The following MACROD1 variants were observed in gnomAD, a reference collection of about 807,000 sequenced individuals.
MACROD1 encodes the protein ADP-ribose glycohydrolase MACROD1.
In MACROD1, 31 loss-of-function variants were observed where a neutral mutation model predicts 41.4. That is an observed-to-expected ratio of 0.75 (90% confidence interval 0.56 to 1.01). The LOEUF is 1.01. MACROD1 is among the 50% of genes least tolerant of loss of function. The pLI, the probability that MACROD1 is intolerant of heterozygous loss-of-function variation, is 0.00. For synonymous variants in MACROD1, 252 were observed against 203.4 expected (o/e 1.24, Z -2.03); for missense variants, 473 against 460.0 (o/e 1.03, Z -0.26).
intron 4 of MACROD1, among the ~76,000 whole-genome samples, chr11:64,010,759 ATTGGTTGGCACGAG>A (rs1590797937): frequency 1.3e-5 from 1 of 76,914 alleles, no homozygotes; most frequent in East Asian, 4.3e-4. Flanking sequence ...TGGCTGGCAT[ATTGGTTGGCACGAG>A]TTGGTTGGGG....
chr11:64,165,679 C>G lies in MACROD1; in HGVS notation c.298+18G>C. ...TGAGGCCGCCCTCTCCCTCGCGCCCCCTCGTGCTTACACTTACATTTCGCC... is the reference window on the plus strand; with the variant it reads ...TGAGGCCGCCCTCTCCCTCGCGCCCGCTCGTGCTTACACTTACATTTCGCC... On this transcript the variant is annotated intron_variant, in intron 1 of 10. Transcript: ENST00000255681. 1 of 1,402,392 alleles carries G rather than the reference C, an allele frequency of 7.1e-7. No individual in the cohort carries two copies. Among genetic ancestry groups the G allele is most frequent in the Non-Finnish European group, 9.3e-7 (1 of 1,072,346 alleles). The allele number at this position is 1,402,392 out of a possible 1,614,324, so 86.9% of individuals were successfully genotyped here.
At chr11:64,127,707 C>T (rs1423361155) in intron 3 of MACROD1, among the ~76,000 whole-genome samples, 4 of 152,216 alleles carry the variant, frequency 2.6e-5, no homozygotes, top group African/African-American at 7.2e-5. Context: ...AAGTATGTGT[C>T]AGCAGGAGCT....
chr11:64,143,982 A>T (rs1048830010), intron 3 of MACROD1, among the ~76,000 whole-genome samples: 1 of 152,060 alleles, frequency 6.6e-6, no homozygotes, highest in Non-Finnish European at 1.5e-5. Flanking sequence ...CTAGACCTAG[A>T]GGGAGACACC....
chr11:64,155,643 T>C (rs548341279), intron 1 of MACROD1, among the ~76,000 whole-genome samples: 26 of 152,180 alleles, frequency 1.7e-4, no homozygotes, highest in African/African-American at 6.0e-4. Context: ...CAGGACAAAA[T>C]TGTGGAGAAC....
At chr11:64,133,993 G>C (rs1945299943) in intron 3 of MACROD1, among the ~76,000 whole-genome samples, 1 of 152,252 alleles carries the variant, frequency 6.6e-6, no homozygotes, top group Non-Finnish European at 1.5e-5. Context: ...TAAGTGCCCA[G>C]GCAAAGGCCA....
intron 3 of MACROD1, among the ~76,000 whole-genome samples, chr11:64,031,275 T>A (rs1486168546): frequency 6.6e-6 from 1 of 152,138 alleles, no homozygotes; most frequent in African/African-American, 2.4e-5. Flanking sequence ...TCTGGGACTT[T>A]CCTCCTGGGC....
rs866991285 is a variant in MACROD1 at position 64,122,673 on chromosome 11, G to T, written c.517+28566C>A. Among the ~76,000 whole-genome samples the T allele has an allele frequency of 8.5e-5, 13 of 152,186 alleles. No individual in the cohort carries two copies. Among genetic ancestry groups the T allele is most frequent in the Non-Finnish European group, 1.3e-4 (9 of 68,026 alleles). ...CTGTTTCCCCTTCTGTAAAGTGGGG[G>T]TGTGCTAGGGAGGGGTCCAGCGTCA... is the stretch of plus-strand genomic sequence containing the variant. On this transcript the variant is annotated intron_variant, in intron 3 of 10. Transcript: ENST00000255681. The surrounding 1 kb of genome is among the most constrained non-coding windows in gnomAD (Gnocchi z 4.0).
chr11:64,080,955 A>G (rs935120633), intron 3 of MACROD1, among the ~76,000 whole-genome samples: 12 of 152,168 alleles, frequency 7.9e-5, no homozygotes, highest in Non-Finnish European at 1.5e-4. Flanking sequence ...GTCTGTTGGA[A>G]TTATGTGACA....
intron 3 of MACROD1, among the ~76,000 whole-genome samples, chr11:64,022,867 A>ACT (rs1943176139): frequency 1.1e-5 from 1 of 90,766 alleles, no homozygotes; most frequent in Admixed American, 1.3e-4. Flanking sequence ...TTCCACATGG[A>ACT]TTTTTTTTTT....
chr11:63,999,169 C>A, intron 8 of MACROD1, 133 bp from the exon 9 acceptor site: 1 of 1,305,088 alleles, frequency 7.7e-7, no homozygotes, highest in South Asian at 1.4e-5. Context: ...TGTGTGCCAT[C>A]ACCCCCATCT....
At chr11:64,141,943 CTT>C (rs1418997891) in intron 3 of MACROD1, among the ~76,000 whole-genome samples, 1 of 152,198 alleles carries the variant, frequency 6.6e-6, no homozygotes, top group Non-Finnish European at 1.5e-5. Context: ...CCCCTCTGGG[CTT>C]TAGATCCTCC....
At chr11:63,999,432 C>T (rs1427246336) in intron 7 of MACROD1, 28 bp from the exon 8 acceptor site, 1 of 1,558,186 alleles carries the variant, frequency 6.4e-7, no homozygotes, top group Admixed American at 1.9e-5. Flanking sequence ...GGAGTGAGTC[C>T]TAGGCTCTGG....
At chr11:64,093,039 G>A (rs1364021552) in intron 3 of MACROD1, among the ~76,000 whole-genome samples, 2 of 152,152 alleles carry the variant, frequency 1.3e-5, no homozygotes, top group African/African-American at 2.4e-5. Context: ...TTGAGGACCC[G>A]GAGTGGAGAG....
Position 64,000,235 on chromosome 11 carries a change from G to T in MACROD1, c.656C>A (p.Pro219Gln). The T allele has an allele frequency of 6.2e-7, 1 of 1,605,752 alleles. No homozygotes were observed. Among genetic ancestry groups the T allele is most frequent in the Non-Finnish European group, 8.5e-7 (1 of 1,177,088 alleles). Residue 219 changes from proline (P) to glutamine (Q), a missense_variant, in exon 5 of 11, where the codon CCG (proline) becomes CAG (glutamine). By Grantham distance (76) the Pro-to-Gln change is moderately conservative. Coordinates refer to ENST00000255681, the MANE Select transcript of MACROD1 (RefSeq NM_014067.4). The stretch of plus-strand genomic sequence containing the variant: ...GCGCGTCGGGGACTCACACTTGGCC[G>T]GGAGCCGATAGCCGCCGGTGATCTT... ...KAKITGGYRL[P>Q]AKYVIHTVGP...
chr11:64,139,055 C>T (rs2134675206), intron 3 of MACROD1, among the ~76,000 whole-genome samples: 1 of 152,310 alleles, frequency 6.6e-6, no homozygotes, highest in South Asian at 2.1e-4. Context: ...GCGTGAGCCA[C>T]CGCGCCCGGC....
intron 3 of MACROD1, among the ~76,000 whole-genome samples, chr11:64,048,734 A>G (rs1012085704): frequency 6.6e-6 from 1 of 152,212 alleles, no homozygotes; most frequent in Non-Finnish European, 1.5e-5. Flanking sequence ...CTGCAGGGTT[A>G]GGAAATTCAA....
At chr11:64,121,970 T>TAA (rs5792313) in intron 3 of MACROD1, among the ~76,000 whole-genome samples, 152 of 134,930 alleles carry the variant, frequency 1.1e-3, no homozygotes, top group Admixed American at 5.5e-3. Context: ...AAATCTCCCC[T>TAA]AAAAAAAAAA....
chr11:64,125,417 C>T (rs1945162839), intron 3 of MACROD1, among the ~76,000 whole-genome samples: 1 of 152,210 alleles, frequency 6.6e-6, no homozygotes, highest in African/African-American at 2.4e-5. Flanking sequence ...GTGCCTGGCA[C>T]ACAGGGGTAC....
chr11:64,095,088 A>G (rs1429385983), intron 3 of MACROD1, among the ~76,000 whole-genome samples: 1 of 152,172 alleles, frequency 6.6e-6, no homozygotes, highest in Non-Finnish European at 1.5e-5. Flanking sequence ...AAAATATACA[A>G]TGAGAGGCAC....
Sources: allele counts gnomAD v4.1 joint callset (sites outside exome capture counted in the v4.1 genomes callset), GRCh38; gene constraint gnomAD v4.1.1; non-coding constraint Gnocchi (gnomAD v3.1); transcripts MANE v1.5; gene names NCBI Gene and HGNC (gene_info 2026-07-23, HGNC 2026-07-21).